MAGI2: variants seen among roughly 807,000 people sequenced by gnomAD.
MAGI2 encodes membrane associated guanylate kinase, WW and PDZ domain containing 2, also known as membrane-associated guanylate kinase, WW and PDZ domain-containing protein 2.
Under a neutral mutation model 133.3 loss-of-function variants are expected in MAGI2, and 35 were observed. That is an observed-to-expected ratio of 0.26 (90% CI 0.20 to 0.35). The LOEUF is 0.35. Among genes scored for constraint, MAGI2 ranks in the 10% least tolerant of loss-of-function variants. The pLI is 1.00. For missense variants in MAGI2, 1,636 were observed against 1,863.4 expected (o/e 0.88, Z 2.25); for synonymous variants, 729 against 710.6 (o/e 1.03, Z -0.41).
chr7:78,614,754 T>G (rs1405054866), intron 3 of MAGI2: 1 of 152,178 alleles, frequency 6.6e-6, no homozygotes, highest in African/African-American at 2.4e-5. Context: ...AGTTAAAATA[T>G]TTTATACCAA....
chr7:78,486,802 A>C, intron 6 of MAGI2: 1 of 439,546 alleles, frequency 2.3e-6, no homozygotes, highest in Non-Finnish European at 4.5e-6. Flanking sequence ...CATGTATCTT[A>C]CTACTGCCCT....
At chr7:78,603,254 C>T (rs2150885016) in intron 3 of MAGI2, among the ~76,000 whole-genome samples, 1 of 152,252 alleles carries the variant, frequency 6.6e-6, no homozygotes, top group South Asian at 2.1e-4. Flanking sequence ...TTTTCTTGTA[C>T]ATAATTAGCT....
rs1298484873 is a variant in MAGI2, at chr7:79,083,836, T to C, written c.302-76630A>G. Among the ~76,000 whole-genome samples, 5 of 151,812 alleles carry C rather than the reference T, an allele frequency of 3.3e-5. No individual in the cohort carries two copies. In the East Asian group the frequency reaches 9.7e-4, roughly 29 times the overall value. On this transcript the variant is annotated intron_variant, in intron 1 of 21. Transcript: ENST00000354212. Reference sequence around the variant, plus strand: ...TGGGGAGTTTTGTGATTTTTAATAATTCAGTCTATTTACTCATTAATAGTA... The same window carrying C: ...TGGGGAGTTTTGTGATTTTTAATAACTCAGTCTATTTACTCATTAATAGTA...
intron 21 of MAGI2, 103 bp downstream of exon 21, chr7:78,078,844 A>C: frequency 7.7e-7 from 1 of 1,293,878 alleles, no homozygotes; most frequent in African/African-American, 1.5e-5. Context: ...CTAAATATAT[A>C]TTTAGGTAGA....
In MAGI2 at chr7:78,135,194, T is replaced by C. The variant is rs1215292849; in HGVS notation, c.2858A>G (p.Lys953Arg). 8 of 1,613,944 alleles carry C rather than the reference T, an allele frequency of 5.0e-6. No homozygotes were observed. The highest frequency in any genetic ancestry group is 1.7e-5 in the Admixed American group (1 of 59,994). The change falls in exon 17 of 22, where the codon AAA becomes AGA. Residue 953 changes from lysine to arginine, a missense_variant. Physicochemically the swap from Lys to Arg is conservative, Grantham distance 26. Transcript: ENST00000354212. Reference protein sequence around the residue: ...ESGSTITVPHKIGRIIDGSPA... With the variant: ...ESGSTITVPHRIGRIIDGSPA... ...ACTCCCATCAATGATGCGTCCGATTTTATGGGGCACAGCTAAAAAAACCCC... is the reference window on the plus strand; with the variant it reads ...ACTCCCATCAATGATGCGTCCGATTCTATGGGGCACAGCTAAAAAAACCCC...
chr7:78,461,393 C>CGTGTGTGCGTGTGTGT, intron 6 of MAGI2, among the ~76,000 whole-genome samples: 1 of 138,118 alleles, frequency 7.2e-6, no homozygotes, highest in Admixed American at 7.3e-5. Flanking sequence ...CGTGTGTGTG[C>CGTGTGTGCGTGTGTGT]GTGTGTGTGT....
intron 3 of MAGI2, among the ~76,000 whole-genome samples, chr7:78,607,777 AT>A (rs1805979767): frequency 6.6e-6 from 1 of 152,128 alleles, no homozygotes; most frequent in South Asian, 2.1e-4. Context: ...CTCATGGACA[AT>A]TTCAGTTTCA....
intron 16 of MAGI2, among the ~76,000 whole-genome samples, chr7:78,147,382 T>C (rs1107303): frequency 0.48 from 73,273 of 151,956 alleles, 18,049 homozygotes; most frequent in Non-Finnish European, 0.54. Context: ...CCAAGTATTG[T>C]ACATTTTAAC....
intron 16 of MAGI2, among the ~76,000 whole-genome samples, chr7:78,139,509 C>G (rs1822524110): frequency 6.6e-6 from 1 of 152,192 alleles, no homozygotes; most frequent in Admixed American, 6.5e-5. Flanking sequence ...AAGGAAGAGG[C>G]CCTGACCTTG....
intron 2 of MAGI2, among the ~76,000 whole-genome samples, chr7:78,633,007 TG>T (rs1809188004): frequency 6.6e-6 from 1 of 152,202 alleles, no homozygotes; most frequent in South Asian, 2.1e-4. Context: ...TGTTCTTCAG[TG>T]ACAGACTGGA....
chr7:78,483,469 G>T (rs1792641345), intron 6 of MAGI2, among the ~76,000 whole-genome samples: 1 of 151,666 alleles, frequency 6.6e-6, no homozygotes, highest in Admixed American at 6.6e-5. Flanking sequence ...GTGCAGGAAG[G>T]ATATTTAAAA....
chr7:78,391,710 T>C (rs1353226153), intron 6 of MAGI2, among the ~76,000 whole-genome samples: 1 of 152,190 alleles, frequency 6.6e-6, no homozygotes, highest in African/African-American at 2.4e-5. Context: ...AAAAATTATA[T>C]GGCATAACAC....
At chr7:78,967,201 C>T (rs1379249438) in intron 2 of MAGI2, among the ~76,000 whole-genome samples, 2 of 152,046 alleles carry the variant, frequency 1.3e-5, no homozygotes, top group Non-Finnish European at 2.9e-5. Flanking sequence ...CTCTGCCTCT[C>T]AAAGTGCTAG....
At chr7:78,922,781 A>G (rs1442018069) in intron 2 of MAGI2, among the ~76,000 whole-genome samples, 1 of 151,354 alleles carries the variant, frequency 6.6e-6, no homozygotes, top group South Asian at 2.1e-4. Context: ...GACTTCCACA[A>G]TGGTTGAACT....
intron 1 of MAGI2, among the ~76,000 whole-genome samples, chr7:79,166,482 G>A (rs1349268758): frequency 6.6e-6 from 1 of 152,074 alleles, no homozygotes; most frequent in Non-Finnish European, 1.5e-5. Context: ...ATTTCAGCCT[G>A]ATGAGACCCT....
intron 1 of MAGI2, among the ~76,000 whole-genome samples, chr7:79,208,777 C>T (rs187583698): frequency 1.3e-5 from 2 of 151,912 alleles, no homozygotes; most frequent in Admixed American, 1.3e-4. Context: ...ATGGAATTAA[C>T]CTAAGTGTTC....
At chr7:79,049,678 T>G (rs1218902373) in intron 1 of MAGI2, among the ~76,000 whole-genome samples, 1 of 152,066 alleles carries the variant, frequency 6.6e-6, no homozygotes, top group Non-Finnish European at 1.5e-5. Flanking sequence ...GCCTTGTTAT[T>G]TTTATGTTTT....
chr7:79,242,089 T>C (rs1189596889), intron 1 of MAGI2, among the ~76,000 whole-genome samples: 3 of 152,180 alleles, frequency 2.0e-5, no homozygotes, highest in Non-Finnish European at 4.4e-5. Flanking sequence ...TTTCAGTTAG[T>C]TCAGAGGAAT....
At chr7:78,165,100 G>A (rs1825493727) in intron 15 of MAGI2, among the ~76,000 whole-genome samples, 1 of 152,124 alleles carries the variant, frequency 6.6e-6, no homozygotes, top group Non-Finnish European at 1.5e-5. Flanking sequence ...AAAAATAAAT[G>A]AATAAAAGAA....
Sources: gnomAD v4.1 joint callset for allele counts (sites outside exome capture counted in the v4.1 genomes callset) on GRCh38, gnomAD v4.1.1 for gene constraint, MANE v1.5 for transcripts, NCBI Gene and HGNC (gene_info 2026-07-23, HGNC 2026-07-21) for gene names.